The following ZGRF1 variants were observed in gnomAD, a reference collection of about 807,000 sequenced individuals.
ZGRF1 encodes the protein zinc finger GRF-type containing 1.
In ZGRF1, 196 loss-of-function variants were observed where a neutral mutation model predicts 203.5. That is an observed-to-expected ratio of 0.96 (90% CI 0.86 to 1.08). The LOEUF (loss-of-function observed/expected upper bound fraction) is 1.08, where lower values mean the gene tolerates loss of function less well. Ranked by LOEUF, ZGRF1 falls within the 50% of genes least tolerant of loss-of-function variation. The probability of loss-of-function intolerance (pLI) is 0.00; values close to 1 mark genes in which losing one functional copy is unlikely to be tolerated. For synonymous variants in ZGRF1, 809 were observed against 841.3 expected (o/e 0.96, Z 0.66); for missense variants, 2,326 against 2,416.3 (o/e 0.96, Z 0.78).
In ZGRF1 at chr4:112,595,465, C is replaced by A. The variant is rs1380458696; in HGVS notation, c.2977-5591G>T. Among the ~76,000 whole-genome samples the A allele has an allele frequency of 2.0e-5, 3 of 152,098 alleles. No individual in the cohort carries two copies. The East Asian group carries it at 5.8e-4, about 29-fold the overall frequency. Reference sequence around the variant, plus strand: ...CAGCATAGTGGCTCACGTCTATAAACCCTGCACTTTGGAAGGCGAAGGCAA... The same window carrying A: ...CAGCATAGTGGCTCACGTCTATAAAACCTGCACTTTGGAAGGCGAAGGCAA... On this transcript the variant is annotated intron_variant, in intron 10 of 27. Transcript: ENST00000505019.
chr4:112,601,517 T>C (rs1749971506), intron 10 of ZGRF1, among the ~76,000 whole-genome samples: 1 of 150,640 alleles, frequency 6.6e-6, no homozygotes, highest in South Asian at 2.1e-4. Context: ...GAGGTTTCAG[T>C]GAGCTGAGAT....
chr4:112,565,204 C>T (rs1742806070), intron 16 of ZGRF1: 3 of 1,577,658 alleles, frequency 1.9e-6, no homozygotes, highest in Middle Eastern at 1.9e-4. Flanking sequence ...GCGTCTGGTG[C>T]GAGAAATTGC....
chr4:112,592,445 T>G (rs1416735273), intron 10 of ZGRF1, among the ~76,000 whole-genome samples: 1 of 152,170 alleles, frequency 6.6e-6, no homozygotes, highest in African/African-American at 2.4e-5. Context: ...CCTATTTCAT[T>G]GAAATTGCTC....
chr4:112,565,363 C>T, intron 16 of ZGRF1: 1 of 1,103,968 alleles, frequency 9.1e-7, no homozygotes, highest in East Asian at 2.4e-5. Flanking sequence ...AAAAGACATC[C>T]AGCTAGCATG....
chr4:112,548,161 A>G (rs1739180045), intron 23 of ZGRF1, 92 bp downstream of exon 23: 3 of 1,166,578 alleles, frequency 2.6e-6, no homozygotes, highest in Non-Finnish European at 3.6e-6. Flanking sequence ...AGCTGGTCGC[A>G]AACTCCTAGA....
chr4:112,625,809 C>A (rs1272830549), intron 3 of ZGRF1, among the ~76,000 whole-genome samples: 2 of 150,190 alleles, frequency 1.3e-5, no homozygotes, highest in African/African-American at 4.9e-5. Context: ...GCAGGAGAAT[C>A]GCTTGAACTG....
chr4:112,554,713 TA>T lies in ZGRF1; in HGVS notation c.5189del (p.Leu1730TyrfsTer16), dbSNP rs1438016689. 4 of 1,522,838 alleles carry T rather than the reference TA, an allele frequency of 2.6e-6. No individual in the cohort carries two copies. The highest frequency in any genetic ancestry group is 3.6e-6 in the Non-Finnish European group (4 of 1,121,126). The allele number at this position is 1,522,838 out of a possible 1,614,324, so 94.3% of individuals were successfully genotyped here. On this transcript the variant is annotated frameshift_variant, in exon 21 of 28. Coordinates refer to ENST00000505019, the MANE Select transcript of ZGRF1 (RefSeq NM_018392.5). LOFTEE classifies it high-confidence loss of function. ...GSVRKIAKPI[L>X]PYSLHAGSEN... ...GAATTTTGCATTCTTACCTATAAGGTAAAATTGGTTTGGCAATCTTCCTAAC... is the reference window on the plus strand; with the variant it reads ...GAATTTTGCATTCTTACCTATAAGGTAAATTGGTTTGGCAATCTTCCTAAC...
Position 112,587,264 on chromosome 4 carries a change from C to G in ZGRF1, c.3777+16G>C. On this transcript the variant is annotated intron_variant, in intron 12 of 27. Transcript: ENST00000505019. Reference sequence around the variant, plus strand: ...CTATTGGAAAAATGCACCACAAGACCGGTACATTTCCTCACCTGTAAATCC... The same window carrying G: ...CTATTGGAAAAATGCACCACAAGACGGGTACATTTCCTCACCTGTAAATCC... 1 of 1,577,180 alleles carries G rather than the reference C, an allele frequency of 6.3e-7. No homozygotes were observed. The highest frequency in any genetic ancestry group is 8.6e-7 in the Non-Finnish European group (1 of 1,162,570).
At chr4:112,568,886 C>T (rs1041793815) in intron 16 of ZGRF1, among the ~76,000 whole-genome samples, 1 of 151,764 alleles carries the variant, frequency 6.6e-6, no homozygotes, top group African/African-American at 2.4e-5. Flanking sequence ...TGGTGGTGTG[C>T]GCCTGTAGTC....
chr4:112,623,509 A>G, intron 4 of ZGRF1, among the ~76,000 whole-genome samples: 1 of 152,196 alleles, frequency 6.6e-6, no homozygotes, highest in East Asian at 1.9e-4. Flanking sequence ...ATTAGACTCT[A>G]GAATCACCTC....
intron 7 of ZGRF1, among the ~76,000 whole-genome samples, chr4:112,612,129 C>G (rs2046703477): frequency 6.6e-6 from 1 of 152,070 alleles, no homozygotes; most frequent in Non-Finnish European, 1.5e-5. Context: ...CCATGCCTGG[C>G]TAATTTTTGT....
At chr4:112,568,664 T>C (rs1743630003) in intron 16 of ZGRF1, among the ~76,000 whole-genome samples, 1 of 140,790 alleles carries the variant, frequency 7.1e-6, no homozygotes, top group Admixed American at 7.5e-5. Context: ...TGAGCCCAGA[T>C]TGCACCACTG....
At chr4:112,593,127 C>T (rs1315177384) in intron 10 of ZGRF1, among the ~76,000 whole-genome samples, 1 of 152,154 alleles carries the variant, frequency 6.6e-6, no homozygotes, top group Non-Finnish European at 1.5e-5. Flanking sequence ...AGCCATCTAG[C>T]CTGTGGTATT....
intron 4 of ZGRF1, among the ~76,000 whole-genome samples, chr4:112,621,154 T>C (rs989204796): frequency 2.6e-5 from 4 of 152,192 alleles, no homozygotes; most frequent in Non-Finnish European, 5.9e-5. Context: ...GCAATTCACT[T>C]AGAATCCATA....
intron 16 of ZGRF1, among the ~76,000 whole-genome samples, chr4:112,577,860 A>G (rs1400635558): frequency 8.2e-6 from 1 of 122,086 alleles, no homozygotes; most frequent in African/African-American, 2.9e-5. Flanking sequence ...TGTCAACATT[A>G]GACAGATCAA....
intron 10 of ZGRF1, among the ~76,000 whole-genome samples, chr4:112,590,892 T>C (rs1459622426): frequency 7.5e-5 from 10 of 133,552 alleles, no homozygotes; most frequent in Non-Finnish European, 1.5e-4. Flanking sequence ...GCCATTACAC[T>C]CCAGCCTAGG....
At chr4:112,607,192 G>A (rs946402416) in intron 8 of ZGRF1, among the ~76,000 whole-genome samples, 8 of 151,970 alleles carry the variant, frequency 5.3e-5, no homozygotes, top group African/African-American at 1.7e-4. Flanking sequence ...TGGCGCAATC[G>A]TTGTTCACTG....
chr4:112,612,974 G>A (rs1277679422), intron 6 of ZGRF1, among the ~76,000 whole-genome samples: 28 of 152,044 alleles, frequency 1.8e-4, no homozygotes, highest in Non-Finnish European at 7.4e-5. Flanking sequence ...AAGACTCCCA[G>A]TATACTGTTG....
At chr4:112,570,664 T>C (rs1744041550) in intron 16 of ZGRF1, among the ~76,000 whole-genome samples, 1 of 152,168 alleles carries the variant, frequency 6.6e-6, no homozygotes, top group South Asian at 2.1e-4. Flanking sequence ...ATTACATATT[T>C]AAGTCAGAAG....
Sources: allele counts gnomAD v4.1 joint callset (sites outside exome capture counted in the v4.1 genomes callset), GRCh38; gene constraint gnomAD v4.1.1; transcripts MANE v1.5; gene names NCBI Gene and HGNC (gene_info 2026-07-23, HGNC 2026-07-21).